The following MTARC2 variants were observed in gnomAD, a reference collection of about 807,000 sequenced individuals.
MTARC2 encodes mitochondrial amidoxime reducing component 2.
In MTARC2, 27 loss-of-function variants were observed where a neutral mutation model predicts 35.6. That is an observed-to-expected ratio of 0.76 (90% CI 0.56 to 1.04). MTARC2 has a LOEUF of 1.04. MTARC2 is among the 50% of genes least tolerant of loss of function. The pLI, the probability that MTARC2 is intolerant of heterozygous loss-of-function variation, is 0.00. For synonymous variants in MTARC2, 158 were observed against 167.1 expected, an observed-to-expected ratio of 0.95 and a Z score of 0.42; for missense variants, 412 against 432.5, an observed-to-expected ratio of 0.95 and a Z score of 0.42.
chr1:220,763,187 C>A, intron 4 of MTARC2, 137 bp downstream of exon 4: 2 of 1,258,590 alleles, frequency 1.6e-6, no homozygotes, highest in Non-Finnish European at 2.2e-6. Context: ...TCACTCATTG[C>A]TTGCGGAGTT....
At chr1:220,771,115 A>G (rs1671732143) in intron 4 of MTARC2, among the ~76,000 whole-genome samples, 1 of 152,166 alleles carries the variant, frequency 6.6e-6, no homozygotes, top group East Asian at 1.9e-4. Context: ...CCTGACCACT[A>G]TGGTGAAACC....
intron 6 of MTARC2, 95 bp from the exon 7 acceptor site, chr1:220,781,683 A>AG (rs1672074881): frequency 1.5e-6 from 2 of 1,338,128 alleles, no homozygotes; most frequent in Non-Finnish European, 2.1e-6. Flanking sequence ...CTGTGTATTT[A>AG]TAAATAACTT....
Position 220,783,949 on chromosome 1 carries a change from T to C in MTARC2, c.*62T>C. 1.4e-6 allele frequency: 1 copy of C among 717,522 alleles called. No individual in the cohort carries two copies. 44.4% of individuals were successfully genotyped at this position (717,522 alleles called of 1,614,324 possible). A position where few individuals can be genotyped will look rare whatever the true frequency, so the allele number is the denominator to read the frequency against. On this transcript the variant is annotated 3_prime_UTR_variant, in exon 8 of 8. Coordinates refer to ENST00000366913, the MANE Select transcript of MTARC2 (RefSeq NM_017898.5). ...AGCAACCAGGAGGGATTGACTGAGA[T>C]CTTAACAACAGCAGCAACGATACAT...
chr1:220,757,842 T>A (rs185171249), intron 2 of MTARC2, among the ~76,000 whole-genome samples: 1 of 152,248 alleles, frequency 6.6e-6, no homozygotes, highest in East Asian at 1.9e-4. Flanking sequence ...ACAGAGTGAT[T>A]ACCACAGCCA....
In MTARC2 at chr1:220,761,673, C is replaced by T. The variant is rs72472388; in HGVS notation, c.462C>T (p.Asp154=). The stretch of plus-strand genomic sequence containing the variant: ...ACCTTTCCAGGATATTTGGCCTTGA[C>T]ATTAAAGGCAGAGACTGTGGCAATG... ...KLHNCRIFGL[D]IKGRDCGNEA... is the part of the protein sequence containing the mutation. The change falls in exon 3 of 8, where the codon GAC becomes GAT. Residue 154 remains aspartate, a synonymous_variant. Transcript: ENST00000366913. The T allele has an allele frequency of 3.0e-4, 485 of 1,612,580 alleles. 4 individuals carry two copies. The African/African-American group carries it at 5.0e-3, about 17-fold the overall frequency.
chr1:220,766,938 C>T (rs1165344903), intron 4 of MTARC2, among the ~76,000 whole-genome samples: 4 of 144,006 alleles, frequency 2.8e-5, no homozygotes, highest in Non-Finnish European at 4.5e-5. Flanking sequence ...TCCAGGAGTT[C>T]GAGACCAGCC....
intron 4 of MTARC2, among the ~76,000 whole-genome samples, chr1:220,772,881 C>T (rs759784731): frequency 3.3e-5 from 5 of 152,094 alleles, no homozygotes; most frequent in Admixed American, 6.6e-5. Context: ...AAATAACTTT[C>T]GGTTTGAGAT....
At chr1:220,770,987 A>G (rs1308170437) in intron 4 of MTARC2, among the ~76,000 whole-genome samples, 1 of 152,204 alleles carries the variant, frequency 6.6e-6, no homozygotes, top group African/African-American at 2.4e-5. Context: ...TCCAGAGAAC[A>G]GAAGCCAGCT....
rs1671438258 is a variant in MTARC2, at chr1:220,761,639, T to G, written c.447-19T>G. On this transcript the variant is annotated intron_variant, in intron 2 of 7. Transcript: ENST00000366913. ...TTGATATAAGTAAGTAACCTGGTGTTCTTTTGTGACCTTTCCAGGATATTT... is the reference window on the plus strand; with the variant it reads ...TTGATATAAGTAAGTAACCTGGTGTGCTTTTGTGACCTTTCCAGGATATTT... 1 of 1,601,532 alleles carries G rather than the reference T, an allele frequency of 6.2e-7. No homozygotes were observed.
rs1180602796 is a variant in MTARC2, at chr1:220,768,659, C to T, written c.750+5609C>T. Reference sequence around the variant, plus strand: ...GCTGGGGGGTCATGGGTGTCAGGGGCTGCCCTCTGAAAGAAGCAGGACAAT... The same window carrying T: ...GCTGGGGGGTCATGGGTGTCAGGGGTTGCCCTCTGAAAGAAGCAGGACAAT... On this transcript the variant is annotated intron_variant, in intron 4 of 7. Transcript: ENST00000366913. Among the ~76,000 whole-genome samples the T allele has an allele frequency of 7.2e-5, 11 of 152,216 alleles. No homozygotes were observed. The East Asian group carries it at 2.1e-3, about 29-fold the overall frequency.
chr1:220,783,836 G>A lies in MTARC2; in HGVS notation c.*32-83G>A, dbSNP rs562567981. The A allele has an allele frequency of 1.1e-5, 8 of 716,252 alleles. No homozygotes were observed. The South Asian group carries it at 1.2e-4, about 11-fold the overall frequency. 44.4% of individuals were successfully genotyped at this position (716,252 alleles called of 1,614,324 possible). On this transcript the variant is annotated intron_variant, in intron 7 of 7. Coordinates refer to ENST00000366913, the MANE Select transcript of MTARC2 (RefSeq NM_017898.5). ...ACATTTATATGTGTAACCTCAATAA[G>A]TGACTGTTTTGTGGGAGTTTGAATT...
chr1:220,754,036 G>A (rs770669037), intron 1 of MTARC2, among the ~76,000 whole-genome samples: 15 of 152,216 alleles, frequency 9.9e-5, no homozygotes, highest in Non-Finnish European at 2.2e-4. Context: ...CTGACAGAGT[G>A]AGACTCTGTC....
chr1:220,760,770 G>A (rs1474040604), intron 2 of MTARC2, among the ~76,000 whole-genome samples: 2 of 152,056 alleles, frequency 1.3e-5, no homozygotes, highest in African/African-American at 2.4e-5. Flanking sequence ...TACAGTAAGT[G>A]AGCGATAGCC....
chr1:220,752,973 G>A (rs150083557), intron 1 of MTARC2, among the ~76,000 whole-genome samples: 3,576 of 151,558 alleles, frequency 0.024, 163 homozygotes, highest in African/African-American at 0.082. Context: ...CCAACACTTT[G>A]GGAGGCCGAG....
Position 220,781,732 on chromosome 1 carries a change from A to G in MTARC2, c.885-46A>G, listed in dbSNP as rs201515754. On this transcript the variant is annotated intron_variant, in intron 6 of 7. Coordinates refer to ENST00000366913, the MANE Select transcript of MTARC2 (RefSeq NM_017898.5). ...GAGTTCTATTGAGAATACTTCGATT[A>G]TTATTTCCTTTTTGTGTCTGATGAT... 1,307 of 1,607,644 alleles carry G rather than the reference A, an allele frequency of 8.1e-4. 3 individuals are homozygous for G. Among genetic ancestry groups the G allele is most frequent in the Admixed American group, 1.9e-3 (115 of 59,712 alleles).
At chr1:220,763,236 G>A (rs932420152) in intron 4 of MTARC2, among the ~76,000 whole-genome samples, 186 bp downstream of exon 4, 8 of 152,072 alleles carry the variant, frequency 5.3e-5, no homozygotes, top group Non-Finnish European at 1.2e-4. Flanking sequence ...GCTGGCCTCG[G>A]GGGGCGTTGC....
intron 3 of MTARC2, 89 bp from the exon 4 acceptor site, chr1:220,762,821 G>A (rs540061966): frequency 1.4e-6 from 2 of 1,430,474 alleles, no homozygotes; most frequent in East Asian, 4.6e-5. Context: ...CACTGAAGAG[G>A]TTTTGCTTCT....
intron 3 of MTARC2, among the ~76,000 whole-genome samples, chr1:220,762,195 C>T (rs1209044653): frequency 6.6e-6 from 1 of 152,194 alleles, no homozygotes; most frequent in Non-Finnish European, 1.5e-5. Flanking sequence ...GGACTTTGTT[C>T]TGACCCGCCC....
chr1:220,754,470 T>C, intron 1 of MTARC2: 1 of 456,016 alleles, frequency 2.2e-6, no homozygotes. Flanking sequence ...TGGTTCCGCT[T>C]GGAGGCAGCA....
Sources: allele counts gnomAD v4.1 joint callset (sites outside exome capture counted in the v4.1 genomes callset), GRCh38; gene constraint gnomAD v4.1.1; transcripts MANE v1.5; gene names NCBI Gene and HGNC (gene_info 2026-07-23, HGNC 2026-07-21).